ZNF141: variants seen among roughly 807,000 people sequenced by gnomAD.
The protein encoded by ZNF141 is zinc finger protein 141.
In ZNF141, 7 loss-of-function variants were observed where a neutral mutation model predicts 11.3. The ratio of observed to expected loss-of-function variants is 0.62; its 90% CI spans 0.35 to 1.16. The LOEUF is 1.16. ZNF141 is among the 50% of genes most tolerant of loss of function. The probability of loss-of-function intolerance (pLI) is 0.02; values close to 1 mark genes in which losing one functional copy is unlikely to be tolerated. For missense variants in ZNF141, 535 were observed against 554.0 expected (o/e 0.97, Z 0.34); for synonymous variants, 183 against 190.7 (o/e 0.96, Z 0.33).
At chr4:355,711 G>GT (rs1581601375) in intron 3 of ZNF141, among the ~76,000 whole-genome samples, 1 of 152,106 alleles carries the variant, frequency 6.6e-6, no homozygotes, top group African/African-American at 2.4e-5. Flanking sequence ...GTTTTAGATT[G>GT]TTTTTTGCTT....
rs1254737474 is a variant in ZNF141, at chr4:381,012, C to G, written c.*7150C>G. Among the ~76,000 whole-genome samples the G allele has an allele frequency of 2.0e-5, 3 of 152,124 alleles. No individual in the cohort carries two copies. Among genetic ancestry groups the G allele is most frequent in the Non-Finnish European group, 4.4e-5 (3 of 68,020 alleles). Reference sequence around the variant, plus strand: ...TGGGAACAGCTTTCCTTTCAACTGTCCTTCACCACCCCTTTAGCAATTCAG... The same window carrying G: ...TGGGAACAGCTTTCCTTTCAACTGTGCTTCACCACCCCTTTAGCAATTCAG... On this transcript the variant is annotated 3_prime_UTR_variant, in exon 4 of 4. Coordinates refer to ENST00000240499, the MANE Select transcript of ZNF141 (RefSeq NM_003441.4).
At position 376,172 on chromosome 4, in the gene ZNF141, TACTC is replaced by T. The variant is rs1288571992; in HGVS notation, c.*2312_*2315del. On this transcript the variant is annotated 3_prime_UTR_variant, in exon 4 of 4. Coordinates refer to ENST00000240499, the MANE Select transcript of ZNF141 (RefSeq NM_003441.4). ...CCACCAACTTAAACCTATCCCACCT[TACTC>T]AATGGTGTAGGTAAAAGATGGTAAC... Among the ~76,000 whole-genome samples the T allele has an allele frequency of 6.6e-6, 1 of 152,088 alleles. No individual in the cohort carries two copies. Among genetic ancestry groups the T allele is most frequent in the Non-Finnish European group, 1.5e-5 (1 of 67,916 alleles).
At chr4:364,136 A>G (rs1711614996) in intron 3 of ZNF141, among the ~76,000 whole-genome samples, 2 of 152,250 alleles carry the variant, frequency 1.3e-5, no homozygotes, top group South Asian at 2.1e-4. Flanking sequence ...CCTCAGGGAT[A>G]TTGGTCTAAA....
chr4:356,641 A>G (rs1291098738), intron 3 of ZNF141, among the ~76,000 whole-genome samples: 1 of 152,200 alleles, frequency 6.6e-6, no homozygotes, highest in African/African-American at 2.4e-5. Context: ...TCACAATGGC[A>G]GTTAAATTTT....
intron 3 of ZNF141, among the ~76,000 whole-genome samples, chr4:345,729 C>CA (rs1321182710): frequency 0.12 from 7,828 of 63,552 alleles, 484 homozygotes; most frequent in African/African-American, 0.21. Flanking sequence ...ACTCTGTCTC[C>CA]AAAAAAAAAA....
At chr4:352,830 T>G (rs1721666084) in intron 3 of ZNF141, among the ~76,000 whole-genome samples, 1 of 152,180 alleles carries the variant, frequency 6.6e-6, no homozygotes, top group Non-Finnish European at 1.5e-5. Context: ...GTGAGTAGTT[T>G]TATCAAATTA....
At chr4:344,313 TA>T (rs2108684644) in intron 2 of ZNF141, 21 bp from the exon 3 acceptor site, 3 of 1,593,216 alleles carry the variant, frequency 1.9e-6, no homozygotes, top group Middle Eastern at 1.7e-4. Flanking sequence ...GTCATGTTAT[TA>T]TTTTTTTTAA....
rs1326562778 is a variant in ZNF141, at chr4:380,472, T to C, written c.*6610T>C. On this transcript the variant is annotated 3_prime_UTR_variant, in exon 4 of 4. Transcript: ENST00000240499. ...TTTGAGACCAGTCTGGCCAACATGG[T>C]GAAACCCCGTCTCTACTACAAATAT... 6.6e-6 allele frequency among the ~76,000 whole-genome samples: 1 copy of C among 152,016 alleles called. No homozygotes were observed. The highest frequency in any genetic ancestry group is 2.4e-5 in the African/African-American group (1 of 41,372).
rs188692759 is a variant in ZNF141, at chr4:348,715, C to T, written c.226+4285C>T. On this transcript the variant is annotated intron_variant, in intron 3 of 3. Coordinates refer to ENST00000240499, the MANE Select transcript of ZNF141 (RefSeq NM_003441.4). ...CTGCACTCCAGCCTGGGTGACAGAG[C>T]TGGACTCCATCTCAAAAAAAAAAAA... 5.9e-3 allele frequency among the ~76,000 whole-genome samples: 879 copies of T among 149,050 alleles called. 10 individuals are homozygous for T. Among genetic ancestry groups the T allele is most frequent in the African/African-American group, 0.02 (793 of 40,412 alleles).
In ZNF141 at chr4:383,359, C is replaced by A; in HGVS notation, c.*9497C>A. On this transcript the variant is annotated 3_prime_UTR_variant, in exon 4 of 4. Coordinates refer to ENST00000240499, the MANE Select transcript of ZNF141 (RefSeq NM_003441.4). Reference sequence around the variant, plus strand: ...TGCAGTTATAAGTTAGTAATATATACACCCATTAAAGACAGGATCTCAGGA... The same window carrying A: ...TGCAGTTATAAGTTAGTAATATATAAACCCATTAAAGACAGGATCTCAGGA... 1 of 511,660 alleles carries A rather than the reference C, an allele frequency of 2.0e-6. No individual in the cohort carries two copies. The highest frequency in any genetic ancestry group is 3.4e-6 in the Non-Finnish European group (1 of 290,678). The allele number at this position is 511,660 out of a possible 1,614,324, so 31.7% of individuals were successfully genotyped here.
chr4:346,072 A>G (rs1252770073), intron 3 of ZNF141, among the ~76,000 whole-genome samples: 2 of 152,204 alleles, frequency 1.3e-5, no homozygotes, highest in Non-Finnish European at 2.9e-5. Context: ...ACACACACCT[A>G]TATAACTTAT....
At chr4:358,824 T>A (rs1721976794) in intron 3 of ZNF141, among the ~76,000 whole-genome samples, 1 of 152,188 alleles carries the variant, frequency 6.6e-6, no homozygotes, top group Non-Finnish European at 1.5e-5. Flanking sequence ...TCCATCCGCC[T>A]CGGCCTCCCA....
chr4:372,452 C>G (rs2108653494), intron 3 of ZNF141, among the ~76,000 whole-genome samples: 1 of 152,304 alleles, frequency 6.6e-6, no homozygotes, highest in South Asian at 2.1e-4. Flanking sequence ...TTACCTGAGG[C>G]ATTGCATACA....
intron 3 of ZNF141, among the ~76,000 whole-genome samples, chr4:351,343 C>T (rs1408303894): frequency 6.6e-6 from 1 of 151,564 alleles, no homozygotes; most frequent in Non-Finnish European, 1.5e-5. Flanking sequence ...AACTTATTCT[C>T]CTGCCTCAGC....
chr4:344,847 G>A (rs541142938), intron 3 of ZNF141, among the ~76,000 whole-genome samples: 1 of 152,274 alleles, frequency 6.6e-6, no homozygotes, highest in East Asian at 1.9e-4. Flanking sequence ...CTCTGCTCCA[G>A]TGAAAATAAT....
chr4:381,926 GCCA>G lies in ZNF141; in HGVS notation c.*8071_*8073del, dbSNP rs1463833710. 4.2e-5 allele frequency among the ~76,000 whole-genome samples: 6 copies of G among 142,978 alleles called. No homozygotes were observed. Among genetic ancestry groups the G allele is most frequent in the Non-Finnish European group, 9.1e-5 (6 of 65,776 alleles). 93.8% of individuals were successfully genotyped at this position (142,978 alleles called of 152,430 possible). A position where few individuals can be genotyped will look rare whatever the true frequency, so the allele number is the denominator to read the frequency against. On this transcript the variant is annotated 3_prime_UTR_variant, in exon 4 of 4. Transcript: ENST00000240499. ...CAGGAGGGCTGACCAAGCAGCTAGG[GCCA>G]CCACCATCTCTGGGAACTTTTTTTT...
intron 3 of ZNF141, among the ~76,000 whole-genome samples, chr4:354,527 C>T (rs1039821164): frequency 2.5e-4 from 38 of 152,010 alleles, no homozygotes; most frequent in Admixed American, 6.6e-5. Context: ...CTTTCTGTGC[C>T]TTTTATCTTT....
intron 3 of ZNF141, among the ~76,000 whole-genome samples, chr4:367,872 C>T (rs1226202829): frequency 2.0e-5 from 3 of 152,114 alleles, no homozygotes; most frequent in Non-Finnish European, 4.4e-5. Context: ...CTGGGGTACA[C>T]GTGCAGAACA....
At position 380,881 on chromosome 4, in the gene ZNF141, T is replaced by C. The variant is rs1712582410; in HGVS notation, c.*7019T>C. On this transcript the variant is annotated 3_prime_UTR_variant, in exon 4 of 4. Transcript: ENST00000240499. ...AAAATTTAACAAAAATTGTTAAATG[T>C]TGTCATATATGTGTGTGCAAAACGT... Among the ~76,000 whole-genome samples the C allele has an allele frequency of 6.6e-6, 1 of 152,142 alleles. No homozygotes were observed.
Sources: allele counts gnomAD v4.1 joint callset (sites outside exome capture counted in the v4.1 genomes callset), GRCh38; gene constraint gnomAD v4.1.1; transcripts MANE v1.5; gene names NCBI Gene and HGNC (gene_info 2026-07-23, HGNC 2026-07-21).